Variants in TRAPPC9 observed in about 807,000 individuals in gnomAD.
The protein encoded by TRAPPC9 is IKK2 binding protein.
A neutral mutation model predicts 124.0 loss-of-function variants in TRAPPC9; 83 were observed. The observed-to-expected ratio is 0.67, with a 90% CI of 0.56 to 0.80. The LOEUF is 0.80. TRAPPC9 is among the 30% of genes least tolerant of loss of function. The pLI is 0.00. For missense variants in TRAPPC9, 1,302 were observed against 1,508.3 expected, an observed-to-expected ratio of 0.86 and a Z score of 2.27; for synonymous variants, 638 against 617.5, an observed-to-expected ratio of 1.03 and a Z score of -0.49.
chr8:140,103,991 T>C (rs1018497517), intron 17 of TRAPPC9, among the ~76,000 whole-genome samples: 1 of 152,218 alleles, frequency 6.6e-6, no homozygotes, highest in African/African-American at 2.4e-5. Flanking sequence ...AATGAAGATA[T>C]CTGAATAATT....
At chr8:139,834,444 G>A (rs1230408165) in intron 21 of TRAPPC9, among the ~76,000 whole-genome samples, 1 of 152,242 alleles carries the variant, frequency 6.6e-6, no homozygotes, top group African/African-American at 2.4e-5. Flanking sequence ...GCACAACTGA[G>A]AGACAGAGCT....
intron 17 of TRAPPC9, among the ~76,000 whole-genome samples, chr8:140,146,978 A>G (rs2061473290): frequency 6.6e-6 from 1 of 151,836 alleles, no homozygotes; most frequent in Non-Finnish European, 1.5e-5. Context: ...ATAAAGATTC[A>G]TTTCCTTCTG....
At chr8:140,280,129 C>T (rs961108909) in intron 14 of TRAPPC9, among the ~76,000 whole-genome samples, 2 of 152,210 alleles carry the variant, frequency 1.3e-5, no homozygotes, top group African/African-American at 4.8e-5. Flanking sequence ...CCTAGCCTAG[C>T]GCCCACTGGG....
rs752919229 is a variant in TRAPPC9, at chr8:140,182,328, T to TA, written c.2556+39130dup. On this transcript the variant is annotated intron_variant, in intron 17 of 22. Transcript: ENST00000438773. This position sits in a 1 kb window ranked among gnomAD's most constrained non-coding sequence, Gnocchi z 4.0. Reference sequence around the variant, plus strand: ...TCAACTGTTTTCTACATATTTCAACTAAAAAAAAAAAAAAATACGGCTTGG... The same window carrying TA: ...TCAACTGTTTTCTACATATTTCAACTAAAAAAAAAAAAAAAATACGGCTTGG... 2.5e-3 allele frequency among the ~76,000 whole-genome samples: 332 copies of TA among 135,384 alleles called. 1 individual carries two copies. The highest frequency in any genetic ancestry group is 3.6e-3 in the Admixed American group (49 of 13,516). The allele number at this position is 135,384 out of a possible 152,430, so 88.8% of individuals were successfully genotyped here.
intron 21 of TRAPPC9, among the ~76,000 whole-genome samples, chr8:139,854,642 C>A (rs1313475873): frequency 1.3e-5 from 2 of 152,200 alleles, no homozygotes; most frequent in Non-Finnish European, 2.9e-5. Flanking sequence ...TAGCAGGGGC[C>A]GTAGCTACAC....
intron 2 of TRAPPC9, among the ~76,000 whole-genome samples, chr8:140,441,146 T>C (rs2071003568): frequency 6.6e-6 from 1 of 151,734 alleles, no homozygotes. Context: ...ACCTGGCTAA[T>C]TGTTTTTTAT....
At chr8:140,114,296 C>T (rs1214954604) in intron 17 of TRAPPC9, among the ~76,000 whole-genome samples, 2 of 145,842 alleles carry the variant, frequency 1.4e-5, no homozygotes, top group Non-Finnish European at 3.0e-5. Context: ...TCTCTATGTG[C>T]CTAGTGATGG....
In TRAPPC9 at chr8:140,423,685, T is replaced by TATACACATATAC. The variant is rs1377443663; in HGVS notation, c.886+2929_886+2930insGTATATGTGTAT. On this transcript the variant is annotated intron_variant, in intron 5 of 22. Coordinates refer to ENST00000438773, the MANE Select transcript of TRAPPC9 (RefSeq NM_001160372.4). ...ACATATATACACATATACACATATATACACATATACACATGTATACACATA... is the reference window on the plus strand; with the variant it reads ...ACATATATACACATATACACATATATATACACATATACACACATATACACATGTATACACATA... Among the ~76,000 whole-genome samples, 11 of 136,928 alleles carry TATACACATATAC rather than the reference T, an allele frequency of 8.0e-5. 1 individual carries two copies. The highest frequency in any genetic ancestry group is 7.8e-4 in the Admixed American group (11 of 14,082). The allele number at this position is 136,928 out of a possible 152,430, so 89.8% of individuals were successfully genotyped here. A position where few individuals can be genotyped will look rare whatever the true frequency, so the allele number is the denominator to read the frequency against.
intron 20 of TRAPPC9, among the ~76,000 whole-genome samples, chr8:139,897,976 C>A (rs754646681): frequency 2.6e-5 from 4 of 152,276 alleles, no homozygotes; most frequent in Non-Finnish European, 4.4e-5. Flanking sequence ...TGTGAGGTCA[C>A]ACATGAAGTT....
rs556071954 is a variant in TRAPPC9, at chr8:139,887,115, C to T, written c.2965-1146G>A. On this transcript the variant is annotated intron_variant, in intron 20 of 22. Coordinates refer to ENST00000438773, the MANE Select transcript of TRAPPC9 (RefSeq NM_001160372.4). ...AAGAAGGCTGCCCAAGAGAGCCCGC[C>T]GGTCACACCACCACAGCCACCAGCA... is the stretch of plus-strand genomic sequence containing the variant. Among the ~76,000 whole-genome samples, 19 of 152,188 alleles carry T rather than the reference C, an allele frequency of 1.2e-4. No individual in the cohort carries two copies. The East Asian group carries it at 2.9e-3, about 23-fold the overall frequency.
rs1262556648 is a variant in TRAPPC9 at position 140,371,123 on chromosome 8, T to C, written c.1192A>G (p.Ile398Val). The C allele has an allele frequency of 6.2e-7, 1 of 1,614,078 alleles. No individual in the cohort carries two copies. The highest frequency in any genetic ancestry group is 1.3e-5 in the African/African-American group (1 of 74,956). Residue 398 changes from isoleucine to valine, a missense_variant, in exon 8 of 23, where the codon ATC becomes GTC. This residue lies in a region of TRAPPC9 where 657 missense variants were observed against 811.2 expected (regional missense o/e 0.81). Coordinates refer to ENST00000438773, the MANE Select transcript of TRAPPC9 (RefSeq NM_001160372.4). ...YSILSELYEL[I>V]GFHRKSAFFK... ...AACGCAGACTTGCGATGGAAGCCGATCAGCTCATAGAGCTCGGAGAGGATG... is the reference window on the plus strand; with the variant it reads ...AACGCAGACTTGCGATGGAAGCCGACCAGCTCATAGAGCTCGGAGAGGATG...
At chr8:139,956,420 C>A (rs963515129) in intron 19 of TRAPPC9, among the ~76,000 whole-genome samples, 6 of 152,162 alleles carry the variant, frequency 3.9e-5, no homozygotes, top group Admixed American at 6.5e-5. Context: ...CTCAACCTCC[C>A]AAAGTGCTGG....
chr8:140,048,626 T>C (rs987608386), intron 17 of TRAPPC9, among the ~76,000 whole-genome samples: 1 of 152,148 alleles, frequency 6.6e-6, no homozygotes, highest in African/African-American at 2.4e-5. Context: ...TTCATCTAAC[T>C]GAAGCCCCAA....
intron 19 of TRAPPC9, among the ~76,000 whole-genome samples, chr8:139,917,618 C>T (rs1272425940): frequency 6.6e-6 from 1 of 152,198 alleles, no homozygotes; most frequent in Non-Finnish European, 1.5e-5. Context: ...GCTGTGGGCC[C>T]ACCCCGCTGC....
intron 21 of TRAPPC9, among the ~76,000 whole-genome samples, chr8:139,732,705 T>G (rs1479336261): frequency 1.3e-5 from 2 of 152,184 alleles, no homozygotes; most frequent in Non-Finnish European, 2.9e-5. Context: ...CCAGGAGGAA[T>G]GCACAGTGGG....
At position 140,349,360 on chromosome 8, in the gene TRAPPC9, A is replaced by AGGGCACACAGCGGGGCCGATGG. The variant is rs1563964610; in HGVS notation, c.1495+10689_1495+10690insCCATCGGCCCCGCTGTGTGCCC. On this transcript the variant is annotated intron_variant, in intron 9 of 22. Coordinates refer to ENST00000438773, the MANE Select transcript of TRAPPC9 (RefSeq NM_001160372.4). ...GGGGCCGAAGGGGGCGCGCGAGGGA[A>AGGGCACACAGCGGGGCCGATGG]GGGCGCGCGAGGGAAGGGCACACAG... 6.0e-4 allele frequency among the ~76,000 whole-genome samples: 52 copies of AGGGCACACAGCGGGGCCGATGG among 86,630 alleles called. 3 individuals are homozygous for AGGGCACACAGCGGGGCCGATGG. The highest frequency in any genetic ancestry group is 1.0e-3 in the African/African-American group (21 of 20,334). 56.8% of individuals were successfully genotyped at this position (86,630 alleles called of 152,430 possible). A position where few individuals can be genotyped will look rare whatever the true frequency, so the allele number is the denominator to read the frequency against.
At chr8:140,172,384 T>TCTGACA in intron 17 of TRAPPC9, among the ~76,000 whole-genome samples, 1 of 137,482 alleles carries the variant, frequency 7.3e-6, no homozygotes, top group Non-Finnish European at 1.5e-5. Context: ...TTAAACTACC[T>TCTGACA]GTGGGCAATG....
rs1213874069 is a variant in TRAPPC9 at position 140,257,187 on chromosome 8, C to T, written c.2279-4258G>A. ...GCATTATCCACATCATATGAATGAGCAAACTAGAGTTCAGAGAGATCAAGC... is the reference window on the plus strand; with the variant it reads ...GCATTATCCACATCATATGAATGAGTAAACTAGAGTTCAGAGAGATCAAGC... On this transcript the variant is annotated intron_variant, in intron 15 of 22. Coordinates refer to ENST00000438773, the MANE Select transcript of TRAPPC9 (RefSeq NM_001160372.4). This position sits in a 1 kb window ranked among gnomAD's most constrained non-coding sequence, Gnocchi z 4.6. Among the ~76,000 whole-genome samples, 1 of 152,216 alleles carries T rather than the reference C, an allele frequency of 6.6e-6. No homozygotes were observed. Among genetic ancestry groups the T allele is most frequent in the Non-Finnish European group, 1.5e-5 (1 of 68,046 alleles).
intron 19 of TRAPPC9, among the ~76,000 whole-genome samples, chr8:139,952,739 A>C (rs1834721204): frequency 6.6e-6 from 1 of 152,244 alleles, no homozygotes; most frequent in African/African-American, 2.4e-5. Context: ...GTCGACTCAC[A>C]CTGCCAGGGT....
Sources: allele counts gnomAD v4.1 joint callset (sites outside exome capture counted in the v4.1 genomes callset), GRCh38; gene constraint gnomAD v4.1.1; regional missense constraint gnomAD v4.1.1; non-coding constraint Gnocchi (gnomAD v3.1); transcripts MANE v1.5; gene names NCBI Gene and HGNC (gene_info 2026-07-23, HGNC 2026-07-21).